The following HECW2 variants were observed in gnomAD, a reference collection of about 807,000 sequenced individuals.
The protein encoded by HECW2 is E3 ubiquitin-protein ligase HECW2.
In HECW2, 61 loss-of-function variants were observed where a neutral mutation model predicts 175.2. The ratio of observed to expected loss-of-function variants is 0.35; its 90% CI spans 0.28 to 0.43. The LOEUF (loss-of-function observed/expected upper bound fraction) is 0.43, where lower values mean the gene tolerates loss of function less well. Among genes scored for constraint, HECW2 ranks in the 20% least tolerant of loss-of-function variants. The pLI, the probability that HECW2 is intolerant of heterozygous loss-of-function variation, is 1.00. For synonymous variants in HECW2, 671 were observed against 731.0 expected, an observed-to-expected ratio of 0.92 and a Z score of 1.32; for missense variants, 1,524 against 2,000.5, an observed-to-expected ratio of 0.76 and a Z score of 4.54.
chr2:196,363,337 T>A (rs1418778883), intron 2 of HECW2, among the ~76,000 whole-genome samples: 1 of 152,000 alleles, frequency 6.6e-6, no homozygotes, highest in African/African-American at 2.4e-5. Context: ...AGGCCCATGT[T>A]ACAGATGAGA....
At chr2:196,531,865 A>G (rs1559162124) in intron 1 of HECW2, among the ~76,000 whole-genome samples, 1 of 152,168 alleles carries the variant, frequency 6.6e-6, no homozygotes, top group Non-Finnish European at 1.5e-5. Flanking sequence ...TTAGATCCCT[A>G]TCACACACTC....
chr2:196,280,058 C>T (rs987891527), intron 14 of HECW2, among the ~76,000 whole-genome samples: 1 of 152,080 alleles, frequency 6.6e-6, no homozygotes, highest in African/African-American at 2.4e-5. Context: ...TGTAAGTTTT[C>T]AAAGTAAAAT....
chr2:196,386,514 C>A (rs1309217777), intron 2 of HECW2, among the ~76,000 whole-genome samples: 1 of 152,200 alleles, frequency 6.6e-6, no homozygotes, highest in Non-Finnish European at 1.5e-5. Context: ...AAGCAGACCA[C>A]CTGTTTGAAT....
intron 1 of HECW2, among the ~76,000 whole-genome samples, chr2:196,508,175 C>A (rs1411274239): frequency 6.6e-6 from 1 of 152,188 alleles, no homozygotes; most frequent in Non-Finnish European, 1.5e-5. Flanking sequence ...CATAAATACA[C>A]TACTTTTCTT....
Position 196,405,657 on chromosome 2 carries a change from T to C in HECW2, c.292+27475A>G, listed in dbSNP as rs188071610. Among the ~76,000 whole-genome samples, 22 of 152,328 alleles carry C rather than the reference T, an allele frequency of 1.4e-4. No homozygotes were observed. In the East Asian group the frequency reaches 4.0e-3, roughly 28 times the overall value. ...TCCCTCCTTGTGCACATCAATGTCATGTGGACAATGTCTACTAGATCATAT... is the reference window on the plus strand; with the variant it reads ...TCCCTCCTTGTGCACATCAATGTCACGTGGACAATGTCTACTAGATCATAT... On this transcript the variant is annotated intron_variant, in intron 2 of 28. Coordinates refer to ENST00000644978, the MANE Select transcript of HECW2 (RefSeq NM_001348768.2).
In HECW2 at chr2:196,268,191, A is replaced by C. The variant is rs148964440; in HGVS notation, c.3335+3002T>G. Among the ~76,000 whole-genome samples the C allele has an allele frequency of 5.3e-5, 8 of 152,346 alleles. No homozygotes were observed. The East Asian group carries it at 1.5e-3, about 29-fold the overall frequency. ...ATTTAACTCCCAAAAACTTGACAGA[A>C]AATGAAAGTGCAGTGTGACACACAC... On this transcript the variant is annotated intron_variant, in intron 17 of 28. Coordinates refer to ENST00000644978, the MANE Select transcript of HECW2 (RefSeq NM_001348768.2).
intron 14 of HECW2, chr2:196,287,909 T>C (rs563410876): frequency 1.3e-5 from 2 of 152,170 alleles, no homozygotes; most frequent in Non-Finnish European, 2.9e-5. Context: ...ATGAAAACTT[T>C]CCAGGTATCT....
Position 196,329,643 on chromosome 2 carries a change from G to T in HECW2, c.503C>A (p.Ala168Glu), listed in dbSNP as rs149444541. ...TVKNPAVMMG[A>E]EGMEGGASGN... is the part of the protein sequence containing the mutation. ...TGAAGCACCTCCCTCCATGCCTTCT[G>T]CCCCCATCTGAAAAGAAAAAACATG... Residue 168 changes from alanine to glutamate, a missense_variant, in exon 5 of 29, where the codon GCA (alanine) becomes GAA (glutamate). Coordinates refer to ENST00000644978, the MANE Select transcript of HECW2 (RefSeq NM_001348768.2). 6.8e-6 allele frequency: 11 copies of T among 1,613,056 alleles called. No individual in the cohort carries two copies. Among genetic ancestry groups the T allele is most frequent in the Non-Finnish European group, 8.5e-6 (10 of 1,179,374 alleles).
chr2:196,571,483 T>C (rs1433143446), intron 1 of HECW2, among the ~76,000 whole-genome samples: 1 of 151,966 alleles, frequency 6.6e-6, no homozygotes, highest in East Asian at 1.9e-4. Context: ...CCAAGGTGGG[T>C]GGATCACTTG....
chr2:196,437,786 G>T (rs1477276732), intron 1 of HECW2, among the ~76,000 whole-genome samples: 2 of 151,858 alleles, frequency 1.3e-5, no homozygotes, highest in African/African-American at 4.8e-5. Context: ...GCGGGAGAGA[G>T]AAAAATGAAA....
At chr2:196,375,384 C>T (rs1410529284) in intron 2 of HECW2, among the ~76,000 whole-genome samples, 2 of 152,218 alleles carry the variant, frequency 1.3e-5, no homozygotes, top group African/African-American at 4.8e-5. Flanking sequence ...GACAGACACA[C>T]ACAGAAATCA....
intron 13 of HECW2, among the ~76,000 whole-genome samples, chr2:196,298,510 TCTTATA>T (rs1690903445): frequency 6.6e-6 from 1 of 152,206 alleles, no homozygotes; most frequent in East Asian, 1.9e-4. Context: ...ATTATTTTTT[TCTTATA>T]CTTTAAGTTC....
chr2:196,576,519 C>T lies in HECW2; in HGVS notation c.-36+16989G>A, dbSNP rs150923872. Among the ~76,000 whole-genome samples, 1,145 of 152,202 alleles carry T rather than the reference C, an allele frequency of 7.5e-3. 17 individuals carry two copies. Among genetic ancestry groups the T allele is most frequent in the Non-Finnish European group, 9.7e-3 (659 of 68,006 alleles). On this transcript the variant is annotated intron_variant, in intron 1 of 28. Coordinates refer to ENST00000644978, the MANE Select transcript of HECW2 (RefSeq NM_001348768.2). ...GGAATCGAAAACAGTCCAACTCAGA[C>T]GCACAGAGTAGAATAGTGGTTGCCA...
At chr2:196,400,380 G>A (rs2125203808) in intron 2 of HECW2, among the ~76,000 whole-genome samples, 1 of 152,248 alleles carries the variant, frequency 6.6e-6, no homozygotes, top group Non-Finnish European at 1.5e-5. Flanking sequence ...ACTAATGCCT[G>A]CATAACTCTG....
chr2:196,284,659 A>C (rs1690315162), intron 14 of HECW2, among the ~76,000 whole-genome samples: 1 of 152,254 alleles, frequency 6.6e-6, no homozygotes, highest in South Asian at 2.1e-4. Context: ...TGTGACACAC[A>C]TATCAATTAT....
At chr2:196,307,335 C>T (rs1193655903) in intron 11 of HECW2, 102 bp from the exon 12 acceptor site, 10 of 691,026 alleles carry the variant, frequency 1.4e-5, no homozygotes, top group Non-Finnish European at 2.2e-5. Flanking sequence ...TCAGCTTCAA[C>T]TATTTCCTCC....
chr2:196,462,406 C>A (rs756535064), intron 1 of HECW2, among the ~76,000 whole-genome samples: 5 of 152,106 alleles, frequency 3.3e-5, no homozygotes, highest in African/African-American at 1.2e-4. Flanking sequence ...TTCTTCAATG[C>A]AAATTCTATT....
chr2:196,262,184 C>T (rs1689321773), intron 17 of HECW2, among the ~76,000 whole-genome samples: 1 of 152,020 alleles, frequency 6.6e-6, no homozygotes, highest in South Asian at 2.1e-4. Flanking sequence ...TACCACCACA[C>T]CCAGCTAATT....
intron 14 of HECW2, chr2:196,288,232 A>G (rs1317560628): frequency 6.6e-6 from 1 of 152,206 alleles, no homozygotes; most frequent in East Asian, 1.9e-4. Context: ...GCTTTCAAGG[A>G]TGTTTCTAAA....
Sources: allele counts gnomAD v4.1 joint callset (sites outside exome capture counted in the v4.1 genomes callset), GRCh38; gene constraint gnomAD v4.1.1; transcripts MANE v1.5; gene names NCBI Gene and HGNC (gene_info 2026-07-23, HGNC 2026-07-21).